The following INSR variants were observed in gnomAD, a reference collection of about 807,000 sequenced individuals.
INSR encodes IR.
Under a neutral mutation model 142.6 loss-of-function variants are expected in INSR, and 67 were observed. The ratio of observed to expected loss-of-function variants is 0.47; its 90% CI spans 0.39 to 0.58. INSR has a LOEUF of 0.58. INSR is among the 20% of genes least tolerant of loss of function. INSR has a pLI of 0.00. For missense variants in INSR, 1,248 were observed against 1,833.2 expected, an observed-to-expected ratio of 0.68 and a Z score of 5.83; for synonymous variants, 756 against 743.1, an observed-to-expected ratio of 1.02 and a Z score of -0.28.
intron 2 of INSR, among the ~76,000 whole-genome samples, chr19:7,210,357 A>G (rs1975239713): frequency 6.6e-6 from 1 of 151,384 alleles, no homozygotes; most frequent in East Asian, 1.9e-4. Context: ...AAAAAAAAAA[A>G]AGTAAACAAG....
At chr19:7,203,630 G>A (rs946828512) in intron 2 of INSR, among the ~76,000 whole-genome samples, 3 of 152,212 alleles carry the variant, frequency 2.0e-5, no homozygotes, top group Non-Finnish European at 4.4e-5. Flanking sequence ...CAGTTTTCCC[G>A]GGAGCTTCTA....
chr19:7,293,310 C>T (rs1011757285), intron 1 of INSR, among the ~76,000 whole-genome samples: 1 of 152,232 alleles, frequency 6.6e-6, no homozygotes, highest in Non-Finnish European at 1.5e-5. Flanking sequence ...GGGGGCTCTG[C>T]AGTCCCTGAC....
intron 1 of INSR, among the ~76,000 whole-genome samples, chr19:7,274,999 G>A (rs1968024102): frequency 6.6e-6 from 1 of 151,208 alleles, no homozygotes; most frequent in Non-Finnish European, 1.5e-5. Context: ...GGTCAGAGAG[G>A]GAGTTTCACT....
chr19:7,166,027 C>G lies in INSR; in HGVS notation c.1861+127G>C. On this transcript the variant is annotated intron_variant, in intron 8 of 21. Transcript: ENST00000302850. This position sits in a 1 kb window ranked among gnomAD's most constrained non-coding sequence, Gnocchi z 4.1. ...CTAGCCTGGGTGACAAAGTAAGACC[C>G]TGTCTAAAAAAAAAAAAAAAGCCAA... 1 of 1,060,142 alleles carries G rather than the reference C, an allele frequency of 9.4e-7. No homozygotes were observed. The allele number at this position is 1,060,142 out of a possible 1,614,324, so 65.7% of individuals were successfully genotyped here.
chr19:7,208,156 C>T (rs1156778811), intron 2 of INSR, among the ~76,000 whole-genome samples: 3 of 152,116 alleles, frequency 2.0e-5, no homozygotes, highest in African/African-American at 7.2e-5. Flanking sequence ...CTACTGACCT[C>T]ATGCCACGTA....
At chr19:7,194,596 C>G (rs7249266) in intron 2 of INSR, among the ~76,000 whole-genome samples, 2 of 147,508 alleles carry the variant, frequency 1.4e-5, no homozygotes, top group African/African-American at 5.0e-5. Flanking sequence ...CACTGTAACC[C>G]CCATGTCCTG....
intron 9 of INSR, among the ~76,000 whole-genome samples, chr19:7,154,077 CT>C (rs1433681777): frequency 6.6e-6 from 1 of 151,858 alleles, no homozygotes; most frequent in Admixed American, 6.6e-5. Flanking sequence ...AGGAGAATCG[CT>C]TGAACCTGGG....
At chr19:7,204,055 C>T (rs1975036731) in intron 2 of INSR, among the ~76,000 whole-genome samples, 2 of 150,958 alleles carry the variant, frequency 1.3e-5, no homozygotes, top group Admixed American at 1.3e-4. Context: ...CTCTGCCTCC[C>T]GGGTTCAAGC....
intron 1 of INSR, among the ~76,000 whole-genome samples, chr19:7,285,415 A>C (rs971125480): frequency 6.6e-6 from 1 of 152,176 alleles, no homozygotes; most frequent in African/African-American, 2.4e-5. Flanking sequence ...ACACCACTGC[A>C]GTCTGGCCTG....
intron 13 of INSR, among the ~76,000 whole-genome samples, chr19:7,137,034 T>C (rs1336960528): frequency 1.3e-5 from 2 of 151,906 alleles, no homozygotes; most frequent in Non-Finnish European, 2.9e-5. Flanking sequence ...AGTTTCACCA[T>C]GCTGGCCAGG....
At chr19:7,137,869 G>A (rs1972974207) in intron 13 of INSR, among the ~76,000 whole-genome samples, 1 of 146,338 alleles carries the variant, frequency 6.8e-6, no homozygotes, top group Non-Finnish European at 1.5e-5. Context: ...CATGTGAGAA[G>A]CTCTTCAGTT....
chr19:7,189,400 T>C (rs1974517438), intron 2 of INSR, among the ~76,000 whole-genome samples: 1 of 152,256 alleles, frequency 6.6e-6, no homozygotes, highest in South Asian at 2.1e-4. Context: ...GACAGGCCTA[T>C]CTGAGCTATT....
intron 2 of INSR, among the ~76,000 whole-genome samples, chr19:7,227,741 A>G (rs755394550): frequency 1.4e-4 from 22 of 152,166 alleles, no homozygotes; most frequent in Non-Finnish European, 2.6e-4. Context: ...ATCAAGCCAC[A>G]CAGGGTTATG....
At chr19:7,143,976 A>AC (rs1848691486) in intron 11 of INSR, among the ~76,000 whole-genome samples, 1 of 150,890 alleles carries the variant, frequency 6.6e-6, no homozygotes, top group African/African-American at 2.4e-5. Flanking sequence ...AATTGCTTGA[A>AC]CCCGGGAGGC....
chr19:7,278,645 G>A (rs1197864327), intron 1 of INSR, among the ~76,000 whole-genome samples: 1 of 152,292 alleles, frequency 6.6e-6, no homozygotes, highest in Admixed American at 6.5e-5. Flanking sequence ...GATCACCTGA[G>A]GTCAGGAGTT....
chr19:7,133,749 G>T (rs549601051), intron 13 of INSR, among the ~76,000 whole-genome samples: 5 of 152,328 alleles, frequency 3.3e-5, no homozygotes, highest in Middle Eastern at 3.4e-3. Flanking sequence ...TGTAATCCCA[G>T]CTACTTGGAG....
chr19:7,262,959 G>A (rs754894584), intron 2 of INSR, among the ~76,000 whole-genome samples: 2 of 152,196 alleles, frequency 1.3e-5, no homozygotes, highest in Non-Finnish European at 2.9e-5. Flanking sequence ...CGTGCTTAAT[G>A]CCACTGAAAA....
chr19:7,276,225 A>T (rs1052265731), intron 1 of INSR, among the ~76,000 whole-genome samples: 1 of 151,812 alleles, frequency 6.6e-6, no homozygotes, highest in African/African-American at 2.4e-5. Flanking sequence ...AGCTCACTGC[A>T]GCCTCAAATT....
chr19:7,264,538 T>C (rs67731056), intron 2 of INSR, among the ~76,000 whole-genome samples: 17,972 of 152,256 alleles, frequency 0.12, 1,187 homozygotes, highest in Middle Eastern at 0.18. Context: ...AACTCAGTAA[T>C]AGAATAAAAG....
Sources: gnomAD v4.1 joint callset for allele counts (sites outside exome capture counted in the v4.1 genomes callset) on GRCh38, gnomAD v4.1.1 for gene constraint, Gnocchi (gnomAD v3.1) non-coding constraint, MANE v1.5 for transcripts, NCBI Gene and HGNC (gene_info 2026-07-23, HGNC 2026-07-21) for gene names.